The following CCSER2 variants were observed in gnomAD, a reference collection of about 807,000 sequenced individuals.
CCSER2 encodes serine-rich coiled-coil domain-containing protein 2.
A neutral mutation model predicts 92.3 loss-of-function variants in CCSER2; 46 were observed. That is an observed-to-expected ratio of 0.50 (90% CI 0.39 to 0.64). The LOEUF (loss-of-function observed/expected upper bound fraction) is 0.64, where lower values mean the gene tolerates loss of function less well. Among genes scored for constraint, CCSER2 ranks in the 30% least tolerant of loss-of-function variants. CCSER2 has a pLI of 0.00. For synonymous variants in CCSER2, 433 were observed against 431.4 expected (o/e 1.00, Z -0.04); for missense variants, 1,244 against 1,238.9 (o/e 1.00, Z -0.06).
intron 9 of CCSER2, among the ~76,000 whole-genome samples, chr10:84,479,300 G>T (rs1373940053): frequency 6.6e-6 from 1 of 152,344 alleles, no homozygotes. Flanking sequence ...TAATTAATAA[G>T]TGGCTGAGCT....
chr10:84,365,817 C>T (rs572543121), intron 1 of CCSER2, among the ~76,000 whole-genome samples: 194 of 152,208 alleles, frequency 1.3e-3, no homozygotes, highest in African/African-American at 4.5e-3. Flanking sequence ...AATGTTAAAG[C>T]CTTTCTGACT....
chr10:84,403,341 A>G (rs1264930439), intron 3 of CCSER2, among the ~76,000 whole-genome samples: 2 of 152,216 alleles, frequency 1.3e-5, no homozygotes, highest in East Asian at 3.8e-4. Context: ...TGAAACTTTA[A>G]AAGAAATATA....
At chr10:84,353,752 A>C (rs1319783593) in intron 1 of CCSER2, among the ~76,000 whole-genome samples, 3 of 152,226 alleles carry the variant, frequency 2.0e-5, no homozygotes, top group East Asian at 1.9e-4. Context: ...TAGCATTTTC[A>C]GTCTCCTAAT....
chr10:84,477,728 C>CT, intron 9 of CCSER2, 64 bp downstream of exon 9: 3 of 851,258 alleles, frequency 3.5e-6, no homozygotes, highest in Non-Finnish European at 5.7e-6. Flanking sequence ...TTATTTCACT[C>CT]TTTTTACAGC....
chr10:84,381,888 C>CCAG (rs1835284128), intron 3 of CCSER2, among the ~76,000 whole-genome samples: 1 of 147,072 alleles, frequency 6.8e-6, no homozygotes, highest in South Asian at 2.2e-4. Flanking sequence ...ATGCCACACT[C>CCAG]CAGCCTGGGT....
intron 9 of CCSER2, among the ~76,000 whole-genome samples, chr10:84,506,023 G>C (rs929928263): frequency 6.6e-5 from 10 of 151,752 alleles, no homozygotes; most frequent in Non-Finnish European, 1.2e-4. Context: ...TCATCTGAGA[G>C]GTAGATGTTA....
chr10:84,362,754 G>A (rs1220138004), intron 1 of CCSER2, among the ~76,000 whole-genome samples: 1 of 152,078 alleles, frequency 6.6e-6, no homozygotes, highest in East Asian at 1.9e-4. Context: ...CTGGAAGTAA[G>A]CGCACCATTT....
At position 84,391,506 on chromosome 10, in the gene CCSER2, C is replaced by G. The variant is rs563561892; in HGVS notation, c.1614+17691C>G. 6.2e-5 allele frequency: 95 copies of G among 1,529,586 alleles called. No individual in the cohort carries two copies. In the South Asian group the frequency reaches 1.0e-3, roughly 17 times the overall value. 94.8% of individuals were successfully genotyped at this position (1,529,586 alleles called of 1,614,324 possible). On this transcript the variant is annotated intron_variant, in intron 3 of 9. Coordinates refer to ENST00000372088, the MANE Select transcript of CCSER2 (RefSeq NM_001284240.2). ...AAGCCTTGTATAGCTGATTTCATGC[C>G]AATACTGGGAATCAACCCAAATCCA...
At chr10:84,463,846 A>G (rs1846240894) in intron 6 of CCSER2, 87 bp from the exon 7 acceptor site, 1 of 846,766 alleles carries the variant, frequency 1.2e-6, no homozygotes, top group Non-Finnish European at 1.9e-6. Context: ...TCACCATGCT[A>G]GCATTTGGTC....
chr10:84,371,976 T>C lies in CCSER2; in HGVS notation c.924T>C (p.Gly308=). 1.9e-6 allele frequency: 3 copies of C among 1,613,706 alleles called. No homozygotes were observed. The Admixed American group carries it at 5.0e-5, about 27-fold the overall frequency. Residue 308 remains glycine (G), a synonymous_variant, in exon 2 of 10, where the codon GGT becomes GGC. Coordinates refer to ENST00000372088, the MANE Select transcript of CCSER2 (RefSeq NM_001284240.2). ...GKKLALPNGP[G]VTSTLGYRMV... is the part of the protein sequence containing the mutation. ...AGTTGGCTTTACCAAATGGCCCAGG[T>C]GTAACTTCTACTTTAGGTTATAGAA...
At chr10:84,395,223 T>TAAA in intron 3 of CCSER2, among the ~76,000 whole-genome samples, 1 of 129,390 alleles carries the variant, frequency 7.7e-6, no homozygotes, top group Admixed American at 7.8e-5. Flanking sequence ...GACCCTGTCT[T>TAAA]AAAAAAAAAA....
chr10:84,394,412 T>TGTGG (rs901885002), intron 3 of CCSER2, among the ~76,000 whole-genome samples: 1 of 151,734 alleles, frequency 6.6e-6, no homozygotes, highest in Non-Finnish European at 1.5e-5. Flanking sequence ...TGTGTGTGTG[T>TGTGG]GTGTGTGTGT....
chr10:84,391,082 T>C, intron 3 of CCSER2: 1 of 780,006 alleles, frequency 1.3e-6, no homozygotes, highest in Admixed American at 1.7e-5. Context: ...ATTCAGATGC[T>C]AATGCCTCCA....
At chr10:84,458,004 C>T (rs961651829) in intron 6 of CCSER2, among the ~76,000 whole-genome samples, 2 of 151,910 alleles carry the variant, frequency 1.3e-5, no homozygotes, top group Non-Finnish European at 2.9e-5. Flanking sequence ...GCTTCGGCCT[C>T]CCAAAAGGCT....
At chr10:84,464,261 C>T (rs1232788440) in intron 7 of CCSER2, among the ~76,000 whole-genome samples, 1 of 151,896 alleles carries the variant, frequency 6.6e-6, no homozygotes, top group African/African-American at 2.4e-5. Flanking sequence ...ATATATTGCT[C>T]ATAATGATAA....
At chr10:84,348,322 C>G (rs554338825) in intron 1 of CCSER2, among the ~76,000 whole-genome samples, 118 of 152,350 alleles carry the variant, frequency 7.7e-4, no homozygotes, top group Admixed American at 3.5e-3. Context: ...CGTGGCGGCA[C>G]GCGCCTGCAA....
At chr10:84,475,876 A>C (rs1847106252) in intron 8 of CCSER2, among the ~76,000 whole-genome samples, 1 of 152,006 alleles carries the variant, frequency 6.6e-6, no homozygotes, top group African/African-American at 2.4e-5. Flanking sequence ...TCTGTCACCC[A>C]GGATGGAGTG....
rs1187961350 is a variant in CCSER2, at chr10:84,463,934, A to T, written c.2066A>T (p.His689Leu). Residue 689 changes from histidine (H) to leucine (L), a missense_variant and splice_region_variant, in exon 7 of 10, where the codon CAT becomes CTT. By Grantham distance (99) the His-to-Leu change is moderately conservative. Transcript: ENST00000372088. ...TTTTTCTTCCCTTCTTTCTGACAGC[A>T]TGATGGAAGTGGTTCATTGCATGAT... Reference protein sequence around the residue: ...LLKLKRLLHQHDGSGSLHDIQ... With the variant: ...LLKLKRLLHQLDGSGSLHDIQ... 1 of 1,601,354 alleles carries T rather than the reference A, an allele frequency of 6.2e-7. No homozygotes were observed. The highest frequency in any genetic ancestry group is 8.6e-7 in the Non-Finnish European group (1 of 1,169,210).
intron 1 of CCSER2, among the ~76,000 whole-genome samples, chr10:84,370,522 C>A (rs1395549899): frequency 6.6e-6 from 1 of 151,966 alleles, no homozygotes; most frequent in Non-Finnish European, 1.5e-5. Flanking sequence ...TTGGAGGAGT[C>A]CGTAGGATTT....
Sources: gnomAD v4.1 joint callset for allele counts (sites outside exome capture counted in the v4.1 genomes callset) on GRCh38, gnomAD v4.1.1 for gene constraint, MANE v1.5 for transcripts, NCBI Gene and HGNC (gene_info 2026-07-23, HGNC 2026-07-21) for gene names.